The following COL27A1 variants were observed in gnomAD, a reference collection of about 807,000 sequenced individuals.
COL27A1 encodes collagen type XXVII alpha 1 chain.
COL27A1 carries 106 observed loss-of-function variants against 251.3 expected under a neutral mutation model. The observed-to-expected ratio is 0.42, with a 90% CI of 0.36 to 0.50. The LOEUF (loss-of-function observed/expected upper bound fraction) is 0.50, where lower values mean the gene tolerates loss of function less well. Among genes scored for constraint, COL27A1 ranks in the 20% least tolerant of loss-of-function variants. The probability of loss-of-function intolerance (pLI) is 0.00; values close to 1 mark genes in which losing one functional copy is unlikely to be tolerated. For missense variants in COL27A1, 2,325 were observed against 2,522.8 expected, an observed-to-expected ratio of 0.92 and a Z score of 1.68; for synonymous variants, 1,000 against 986.3, an observed-to-expected ratio of 1.01 and a Z score of -0.26.
chr9:114,236,894 G>T, intron 17 of COL27A1, 87 bp from the exon 18 acceptor site: 1 of 1,278,032 alleles, frequency 7.8e-7, no homozygotes, highest in South Asian at 1.2e-5. Context: ...CGTTCTCTGG[G>T]CCTGGGACCA....
chr9:114,300,597 C>T, intron 50 of COL27A1, 28 bp from the exon 51 acceptor site: 1 of 1,529,482 alleles, frequency 6.5e-7, no homozygotes, highest in Non-Finnish European at 8.8e-7. Context: ...CTGCCAAGTA[C>T]AGACAGCCCT....
intron 1 of COL27A1, among the ~76,000 whole-genome samples, chr9:114,158,431 T>C (rs1848268701): frequency 6.6e-6 from 1 of 152,230 alleles, no homozygotes; most frequent in Admixed American, 6.5e-5. Flanking sequence ...TGCAAGGGCA[T>C]AGAAACACCT....
At chr9:114,224,493 G>C (rs1831331301) in intron 14 of COL27A1, among the ~76,000 whole-genome samples, 1 of 152,218 alleles carries the variant, frequency 6.6e-6, no homozygotes, top group African/African-American at 2.4e-5. Context: ...CTGAAGGGAT[G>C]TTTACATATC....
intron 1 of COL27A1, among the ~76,000 whole-genome samples, chr9:114,157,110 G>GCT (rs1848178721): frequency 1.4e-5 from 2 of 141,656 alleles, no homozygotes; most frequent in South Asian, 4.5e-4. Flanking sequence ...ACACATACGC[G>GCT]CGCGCGGCAC....
chr9:114,161,554 A>G (rs761207006), intron 1 of COL27A1, among the ~76,000 whole-genome samples: 41 of 152,158 alleles, frequency 2.7e-4, no homozygotes, highest in Non-Finnish European at 4.6e-4. Flanking sequence ...ACCCTGGCAG[A>G]CAGGTTTCCT....
chr9:114,300,666 T>C lies in COL27A1; in HGVS notation c.4680T>C (p.Pro1560=). ...GDIGFKGIQG[P]RGPPGLMGKE... ...TTGGCTTCAAAGGCATCCAGGGCCCTCGGGGGCCACCTGGCTTGATGGTGA... is the reference window on the plus strand; with the variant it reads ...TTGGCTTCAAAGGCATCCAGGGCCCCCGGGGGCCACCTGGCTTGATGGTGA... Residue 1560 remains proline, a synonymous_variant, in exon 51 of 61, where the codon CCT becomes CCC. Transcript: ENST00000356083. 1 of 1,515,928 alleles carries C rather than the reference T, an allele frequency of 6.6e-7. No individual in the cohort carries two copies. The highest frequency in any genetic ancestry group is 2.4e-5 in the East Asian group (1 of 41,204). 93.9% of individuals were successfully genotyped at this position (1,515,928 alleles called of 1,614,324 possible). A position where few individuals can be genotyped will look rare whatever the true frequency, so the allele number is the denominator to read the frequency against.
Position 114,301,527 on chromosome 9 carries a change from C to T in COL27A1, c.4809+65C>T, listed in dbSNP as rs963777799. On this transcript the variant is annotated intron_variant, in intron 54 of 60. Coordinates refer to ENST00000356083, the MANE Select transcript of COL27A1 (RefSeq NM_032888.4). ...GGGCGGGCACCCTGCATTCTCCTCC[C>T]GGTGGTACATTCTCTCCCTCCGGAC... 53 of 1,573,594 alleles carry T rather than the reference C, an allele frequency of 3.4e-5. No individual in the cohort carries two copies. In the African/African-American group the frequency reaches 3.8e-4, roughly 11 times the overall value.
At position 114,206,263 on chromosome 9, in the gene COL27A1, A is replaced by G. The variant is rs2135306533; in HGVS notation, c.2235A>G (p.Gly745=). The G allele has an allele frequency of 6.2e-7, 1 of 1,614,126 alleles. No individual in the cohort carries two copies. Among genetic ancestry groups the G allele is most frequent in the East Asian group, 2.2e-5 (1 of 44,874 alleles). The change falls in exon 10 of 61, where the codon GGA becomes GGG. Residue 745 remains glycine (G), a synonymous_variant. Coordinates refer to ENST00000356083, the MANE Select transcript of COL27A1 (RefSeq NM_032888.4). ...KGYPGRQGLP[G]PVGDPGPKGS... is the part of the protein sequence containing the mutation. ...GTTTTGTGTTTCAGGGGTTACCTGG[A>G]CCGGTAGGAGATCCCGGCCCCAAAG... is the stretch of plus-strand genomic sequence containing the variant.
Position 114,300,659 on chromosome 9 carries a change from A to G in COL27A1, c.4673A>G (p.Gln1558Arg), listed in dbSNP as rs747205748. ...GGAGACATTGGCTTCAAAGGCATCC[A>G]GGGCCCTCGGGGGCCACCTGGCTTG... The part of the protein sequence containing the change: ...PPGDIGFKGI[Q>R]GPRGPPGLMG... Residue 1558 changes from glutamine to arginine, a missense_variant, in exon 51 of 61, where the codon CAG becomes CGG. By Grantham distance (43) the Gln-to-Arg change is conservative. Transcript: ENST00000356083. 6 of 1,521,170 alleles carry G rather than the reference A, an allele frequency of 3.9e-6. No individual in the cohort carries two copies. Among genetic ancestry groups the G allele is most frequent in the South Asian group, 2.6e-5 (2 of 77,084 alleles). The allele number at this position is 1,521,170 out of a possible 1,614,324, so 94.2% of individuals were successfully genotyped here. A position where few individuals can be genotyped will look rare whatever the true frequency, so the allele number is the denominator to read the frequency against.
chr9:114,190,353 C>A (rs1828670535), intron 5 of COL27A1, among the ~76,000 whole-genome samples: 1 of 152,118 alleles, frequency 6.6e-6, no homozygotes, highest in Non-Finnish European at 1.5e-5. Context: ...CTCACTGCAG[C>A]CTTGACCTCC....
chr9:114,234,977 G>A (rs547355869), intron 16 of COL27A1, among the ~76,000 whole-genome samples: 2 of 150,974 alleles, frequency 1.3e-5, no homozygotes, highest in East Asian at 2.0e-4. Context: ...TACTGGGGAG[G>A]CTGAGGTGAG....
chr9:114,201,647 C>A (rs1829587875), intron 7 of COL27A1, among the ~76,000 whole-genome samples: 1 of 152,174 alleles, frequency 6.6e-6, no homozygotes, highest in Admixed American at 6.5e-5. Context: ...TTGGACAAGT[C>A]CCTTCCCCTC....
intron 21 of COL27A1, among the ~76,000 whole-genome samples, chr9:114,241,112 G>A (rs1410340565): frequency 2.6e-5 from 4 of 152,262 alleles, no homozygotes; most frequent in Non-Finnish European, 5.9e-5. Context: ...TGCGCTGGAT[G>A]AAGTGGGTTG....
intron 41 of COL27A1, among the ~76,000 whole-genome samples, chr9:114,285,746 G>A (rs1161839913): frequency 6.6e-6 from 1 of 152,200 alleles, no homozygotes; most frequent in Non-Finnish European, 1.5e-5. Context: ...GGTCCCTCCT[G>A]GGCCCTCGCA....
Position 114,183,031 on chromosome 9 carries a change from G to T in COL27A1, c.1972G>T (p.Gly658Trp), listed in dbSNP as rs1828055337. 6.2e-7 allele frequency: 1 copy of T among 1,613,706 alleles called. No individual in the cohort carries two copies. Among genetic ancestry groups the T allele is most frequent in the Non-Finnish European group, 8.5e-7 (1 of 1,179,940 alleles). Reference sequence around the variant, plus strand: ...TCCTTGTCTCTTTCAGGGTCCTCCTGGGCCTTATGGAAATCCAGGTCTCCC... The same window carrying T: ...TCCTTGTCTCTTTCAGGGTCCTCCTTGGCCTTATGGAAATCCAGGTCTCCC... ...PGARGPRGPP[G>W]PYGNPGLPGP... The change falls in exon 5 of 61, where the codon GGG (glycine) becomes TGG (tryptophan). Residue 658 changes from glycine to tryptophan, a missense_variant. By Grantham distance (184) the Gly-to-Trp change is radical (BLOSUM62 -2). Around this residue, in one of 4 missense-constraint regions of COL27A1, gnomAD observed 1,183 missense variants for 1,144.1 expected, o/e 1.03. Coordinates refer to ENST00000356083, the MANE Select transcript of COL27A1 (RefSeq NM_032888.4).
intron 3 of COL27A1, 34 bp from the exon 4 acceptor site, chr9:114,178,257 A>T: frequency 6.3e-7 from 1 of 1,587,022 alleles, no homozygotes; most frequent in Non-Finnish European, 8.7e-7. Context: ...GCCAGTGGGC[A>T]CTGTCTAATG....
chr9:114,214,484 T>C (rs1830584376), intron 12 of COL27A1, among the ~76,000 whole-genome samples: 1 of 152,196 alleles, frequency 6.6e-6, no homozygotes, highest in African/African-American at 2.4e-5. Context: ...AGTCTTTTAC[T>C]AACGGGAGCT....
intron 60 of COL27A1, among the ~76,000 whole-genome samples, chr9:114,310,345 G>A (rs1829362275): frequency 6.6e-6 from 1 of 152,074 alleles, no homozygotes; most frequent in Admixed American, 6.5e-5. Context: ...GCACACAAAG[G>A]TTTAGTTACA....
At chr9:114,203,681 T>A (rs912989177) in intron 7 of COL27A1, among the ~76,000 whole-genome samples, 8 of 152,200 alleles carry the variant, frequency 5.3e-5, no homozygotes, top group Non-Finnish European at 1.5e-5. Context: ...TCCAGACCTC[T>A]TAGATCAAAC....
Sources: gnomAD v4.1 joint callset for allele counts (sites outside exome capture counted in the v4.1 genomes callset) on GRCh38, gnomAD v4.1.1 for gene constraint, gnomAD v4.1.1 regional missense constraint, MANE v1.5 for transcripts, NCBI Gene and HGNC (gene_info 2026-07-23, HGNC 2026-07-21) for gene names.